CDC42SE2: variants seen among roughly 807,000 people sequenced by gnomAD.
CDC42SE2 encodes CDC42 small effector 2, also known as CDC42 small effector protein 2.
Under a neutral mutation model 11.5 loss-of-function variants are expected in CDC42SE2, and 3 were observed. The observed-to-expected ratio is 0.26, with a 90% CI of 0.12 to 0.67. The LOEUF (loss-of-function observed/expected upper bound fraction) is 0.67, where lower values mean the gene tolerates loss of function less well. CDC42SE2 is among the 30% of genes least tolerant of loss of function. The probability of loss-of-function intolerance (pLI) is 0.80; values close to 1 mark genes in which losing one functional copy is unlikely to be tolerated. For synonymous variants in CDC42SE2, 33 were observed against 34.8 expected, an observed-to-expected ratio of 0.95 and a Z score of 0.18; for missense variants, 82 against 106.8, an observed-to-expected ratio of 0.77 and a Z score of 1.02.
At chr5:131,226,827 G>A in the CDC42SE2 span, among the ~76,000 whole-genome samples, 1 of 152,198 alleles carries the variant, frequency 6.6e-6, no homozygotes, top group East Asian at 1.9e-4. Flanking sequence ...CCTTACTCTT[G>A]GAGTGAAGGT....
At chr5:131,319,879 G>A (rs367562377) in intron 2 of CDC42SE2, among the ~76,000 whole-genome samples, 10 of 151,258 alleles carry the variant, frequency 6.6e-5, no homozygotes, top group Non-Finnish European at 8.8e-5. Flanking sequence ...GTGAAACCCC[G>A]TCTCTACTAA....
intron 1 of CDC42SE2, among the ~76,000 whole-genome samples, chr5:131,278,181 T>C (rs1425989522): frequency 6.6e-6 from 1 of 152,084 alleles, no homozygotes; most frequent in Non-Finnish European, 1.5e-5. Flanking sequence ...ATGGGGTTTC[T>C]CCTTGTTGGC....
chr5:131,304,347 TATAA>T (rs1580742030), intron 1 of CDC42SE2, among the ~76,000 whole-genome samples: 1 of 152,128 alleles, frequency 6.6e-6, no homozygotes, highest in Non-Finnish European at 1.5e-5. Context: ...GTCTCTTCAG[TATAA>T]ATGACAGGTA....
intron 1 of CDC42SE2, among the ~76,000 whole-genome samples, chr5:131,283,355 C>T (rs1757277335): frequency 6.6e-6 from 1 of 152,184 alleles, no homozygotes; most frequent in Non-Finnish European, 1.5e-5. Flanking sequence ...TAGCCGTTTA[C>T]ATATTTTCTC....
intron 2 of CDC42SE2, among the ~76,000 whole-genome samples, chr5:131,346,096 A>C (rs1395216679): frequency 6.6e-6 from 1 of 152,196 alleles, no homozygotes; most frequent in Non-Finnish European, 1.5e-5. Flanking sequence ...TGCATCAACT[A>C]ACGAGCAAAA....
At chr5:131,323,015 A>G (rs532717535) in intron 2 of CDC42SE2, among the ~76,000 whole-genome samples, 10 of 151,736 alleles carry the variant, frequency 6.6e-5, no homozygotes, top group Non-Finnish European at 1.5e-4. Context: ...GTGTGAGGTG[A>G]TCCCAAATAT....
the CDC42SE2 span, among the ~76,000 whole-genome samples, chr5:131,233,010 T>C: frequency 6.6e-6 from 1 of 151,942 alleles, no homozygotes; most frequent in Non-Finnish European, 1.5e-5. Flanking sequence ...TCTCTGTCCC[T>C]TGCTTCCAAG....
chr5:131,254,728 T>A (rs114541417), intron 1 of CDC42SE2, among the ~76,000 whole-genome samples: 1 of 152,140 alleles, frequency 6.6e-6, no homozygotes, highest in Non-Finnish European at 1.5e-5. Context: ...TCTAGTCCAA[T>A]GTTTTTAAAG....
upstream of CDC42SE2, among the ~76,000 whole-genome samples, chr5:131,259,299 G>A (rs1440390355): frequency 6.6e-6 from 1 of 152,092 alleles, no homozygotes; most frequent in African/African-American, 2.4e-5. Context: ...TAGATATACT[G>A]TATGTTGTAT....
At chr5:131,223,366 C>T in the CDC42SE2 span, among the ~76,000 whole-genome samples, 2 of 152,044 alleles carry the variant, frequency 1.3e-5, no homozygotes, top group African/African-American at 4.8e-5. Context: ...AGGATGAGTA[C>T]TGGGAAGATG....
the CDC42SE2 span, among the ~76,000 whole-genome samples, chr5:131,216,591 T>C: frequency 6.6e-6 from 1 of 151,028 alleles, no homozygotes; most frequent in African/African-American, 2.5e-5. Flanking sequence ...AAAGAGGCCA[T>C]TGACACAGGG....
intron 2 of CDC42SE2, among the ~76,000 whole-genome samples, chr5:131,338,474 A>G (rs961155902): frequency 5.3e-5 from 8 of 152,230 alleles, no homozygotes; most frequent in African/African-American, 1.9e-4. Context: ...ATGCCTGTCT[A>G]CTACCATGAT....
chr5:131,249,615 C>T (rs1756623664), intron 1 of CDC42SE2, among the ~76,000 whole-genome samples: 1 of 152,192 alleles, frequency 6.6e-6, no homozygotes. Flanking sequence ...GATGACTTTA[C>T]TGTCAAAAAC....
chr5:131,210,882 A>G, the CDC42SE2 span, among the ~76,000 whole-genome samples: 2 of 152,210 alleles, frequency 1.3e-5, no homozygotes, highest in Admixed American at 1.3e-4. Context: ...TCTGTTGCCC[A>G]GGCTGGAGTG....
intron 2 of CDC42SE2, among the ~76,000 whole-genome samples, chr5:131,343,645 G>A (rs977182832): frequency 3.3e-5 from 5 of 151,750 alleles, no homozygotes; most frequent in Non-Finnish European, 5.9e-5. Context: ...CCCAGGAGGC[G>A]GAGGTTGTGG....
chr5:131,366,571 G>GT lies in CDC42SE2; in HGVS notation c.54+7032dup, dbSNP rs554625274. 6.3e-3 allele frequency among the ~76,000 whole-genome samples: 955 copies of GT among 151,382 alleles called. 6 individuals are homozygous for GT. Among genetic ancestry groups the GT allele is most frequent in the Non-Finnish European group, 9.8e-3 (665 of 67,800 alleles). On this transcript the variant is annotated intron_variant, in intron 3 of 4. Coordinates refer to ENST00000505065, the MANE Select transcript of CDC42SE2 (RefSeq NM_001375635.1). ...GAGGGTTTTTTTTGTTTGTTTTTTT[G>GT]TTTTTTTTACTACATACCTCAAGAT...
At chr5:131,216,704 A>G in the CDC42SE2 span, among the ~76,000 whole-genome samples, 1 of 152,104 alleles carries the variant, frequency 6.6e-6, no homozygotes, top group African/African-American at 2.4e-5. Flanking sequence ...GGGTGCAAAC[A>G]TCCCTAACCT....
At chr5:131,371,343 C>T (rs1417399333) in intron 3 of CDC42SE2, among the ~76,000 whole-genome samples, 1 of 151,964 alleles carries the variant, frequency 6.6e-6, no homozygotes, top group East Asian at 1.9e-4. Context: ...TCTCGGGGTA[C>T]CCTAAAGTTT....
intron 1 of CDC42SE2, among the ~76,000 whole-genome samples, chr5:131,303,310 A>G (rs1757719817): frequency 6.6e-6 from 1 of 152,202 alleles, no homozygotes; most frequent in African/African-American, 2.4e-5. Context: ...TTGGTATTTG[A>G]CATTAAATGA....
Sources: gnomAD v4.1 joint callset for allele counts (sites outside exome capture counted in the v4.1 genomes callset) on GRCh38, gnomAD v4.1.1 for gene constraint, MANE v1.5 for transcripts, NCBI Gene and HGNC (gene_info 2026-07-23, HGNC 2026-07-21) for gene names.